Variants in FKBP1B observed in about 807,000 individuals in gnomAD.
The protein encoded by FKBP1B is FKBP prolyl isomerase 1B.
In FKBP1B, 4 loss-of-function variants were observed where a neutral mutation model predicts 13.5. The observed-to-expected ratio is 0.30, with a 90% CI of 0.15 to 0.68. FKBP1B has a LOEUF of 0.68. FKBP1B is among the 30% of genes least tolerant of loss of function. The probability of loss-of-function intolerance (pLI) is 0.76; values close to 1 mark genes in which losing one functional copy is unlikely to be tolerated. For missense variants in FKBP1B, 93 were observed against 136.2 expected, an observed-to-expected ratio of 0.68 and a Z score of 1.58; for synonymous variants, 54 against 53.6, an observed-to-expected ratio of 1.01 and a Z score of -0.03.
At chr2:24,053,319 G>T (rs1663964885) in intron 1 of FKBP1B, among the ~76,000 whole-genome samples, 1 of 147,522 alleles carries the variant, frequency 6.8e-6, no homozygotes, top group Non-Finnish European at 1.5e-5. Context: ...TTTAGAGATG[G>T]GGTCTCCCTA....
chr2:24,049,924 T>A, intron 1 of FKBP1B, 38 bp downstream of exon 1: 1 of 1,356,116 alleles, frequency 7.4e-7, no homozygotes, highest in South Asian at 1.7e-5. Flanking sequence ...AGGGGAGGGG[T>A]CCCGGGGCGG....
At chr2:24,041,066 C>T in the FKBP1B span, among the ~76,000 whole-genome samples, 8 of 150,778 alleles carry the variant, frequency 5.3e-5, no homozygotes, top group African/African-American at 1.5e-4. Context: ...AGGCTGGGCA[C>T]GGTGGCTCAT....
At chr2:24,043,703 T>C in the FKBP1B span, among the ~76,000 whole-genome samples, 4 of 152,204 alleles carry the variant, frequency 2.6e-5, no homozygotes, top group Non-Finnish European at 4.4e-5. Flanking sequence ...TCCCTGTCAC[T>C]GAATCTAAAT....
intron 1 of FKBP1B, among the ~76,000 whole-genome samples, chr2:24,053,329 A>G (rs1027571112): frequency 8.3e-6 from 1 of 120,462 alleles, no homozygotes; most frequent in East Asian, 2.3e-4. Flanking sequence ...GGGTCTCCCT[A>G]TGTTACCCAG....
the FKBP1B span, chr2:24,038,091 G>C: frequency 6.2e-7 from 1 of 1,614,030 alleles, no homozygotes; most frequent in African/African-American, 1.3e-5. Context: ...AAAAATCTGG[G>C]GAAAGACTTT....
At chr2:24,045,655 AAGGGGG>A (rs995243370), upstream of FKBP1B, among the ~76,000 whole-genome samples, 2 of 126,366 alleles carry the variant, frequency 1.6e-5, no homozygotes, top group African/African-American at 2.9e-5. Context: ...GGAAGGAAGG[AAGGGGG>A]AGGGGGAGGG....
chr2:24,037,724 C>A, the FKBP1B span: 1 of 1,614,130 alleles, frequency 6.2e-7, no homozygotes, highest in Non-Finnish European at 8.5e-7. Context: ...AGTGGATACA[C>A]TGAAGAGGAT....
At chr2:24,061,110 A>G (rs940333978) in intron 3 of FKBP1B, among the ~76,000 whole-genome samples, 184 bp downstream of exon 3, 1 of 152,028 alleles carries the variant, frequency 6.6e-6, no homozygotes, top group Non-Finnish European at 1.5e-5. Context: ...CCTTGCCAGC[A>G]TACCTCTTTT....
chr2:24,044,349 A>C, the FKBP1B span, among the ~76,000 whole-genome samples: 1 of 152,088 alleles, frequency 6.6e-6, no homozygotes, highest in African/African-American at 2.4e-5. Flanking sequence ...GGCTCACTGC[A>C]ACCTCTGCTT....
At chr2:24,034,850 C>T in the FKBP1B span, among the ~76,000 whole-genome samples, 1 of 152,096 alleles carries the variant, frequency 6.6e-6, no homozygotes, top group Admixed American at 6.5e-5. Context: ...TCTGGGGTTA[C>T]AGGTTTAAGC....
chr2:24,049,239 G>T (rs1187022658), upstream of FKBP1B, among the ~76,000 whole-genome samples: 2 of 152,136 alleles, frequency 1.3e-5, no homozygotes, highest in African/African-American at 4.8e-5. Flanking sequence ...GGTTGCTCGC[G>T]CCTCTAGTCC....
chr2:24,062,623 C>A (rs1225902696), intron 3 of FKBP1B, among the ~76,000 whole-genome samples: 1 of 152,116 alleles, frequency 6.6e-6, no homozygotes, highest in Admixed American at 6.5e-5. Flanking sequence ...CACAATAGGT[C>A]CCCCTTGCCA....
intron 2 of FKBP1B, among the ~76,000 whole-genome samples, chr2:24,056,621 C>T (rs918186453): frequency 1.3e-5 from 2 of 151,976 alleles, no homozygotes; most frequent in Non-Finnish European, 2.9e-5. Context: ...TTTTCATGTG[C>T]CTACTGGCCA....
chr2:24,037,706 C>G, the FKBP1B span: 1 of 1,613,404 alleles, frequency 6.2e-7, no homozygotes. Context: ...TAAGGAAGAT[C>G]TTGAGAGAGT....
chr2:24,060,745 CAT>C, intron 2 of FKBP1B, 67 bp from the exon 3 acceptor site: 1 of 1,103,448 alleles, frequency 9.1e-7, no homozygotes, highest in Non-Finnish European at 1.4e-6. Context: ...CCATTTTAGA[CAT>C]GTGGAATCTG....
chr2:24,039,438 T>C, the FKBP1B span: 6 of 1,614,254 alleles, frequency 3.7e-6, no homozygotes, highest in Non-Finnish European at 5.1e-6. Flanking sequence ...TCGGATGCAC[T>C]GCTTGATGCA....
chr2:24,061,230 C>T (rs1364428936), intron 3 of FKBP1B, among the ~76,000 whole-genome samples: 1 of 152,068 alleles, frequency 6.6e-6, no homozygotes, highest in Non-Finnish European at 1.5e-5. Context: ...TTTGGGAGGC[C>T]GAATGGGGTG....
chr2:24,044,196 G>A, the FKBP1B span, among the ~76,000 whole-genome samples: 1 of 151,908 alleles, frequency 6.6e-6, no homozygotes, highest in African/African-American at 2.4e-5. Flanking sequence ...GTCAATGAGG[G>A]TGTGTGTGGC....
At chr2:24,062,158 C>T (rs1456805934) in intron 3 of FKBP1B, among the ~76,000 whole-genome samples, 2 of 151,768 alleles carry the variant, frequency 1.3e-5, no homozygotes, top group South Asian at 2.1e-4. Flanking sequence ...CGTGCCCGGC[C>T]TGTTTTTTGT....
Sources: gnomAD v4.1 joint callset for allele counts (sites outside exome capture counted in the v4.1 genomes callset) on GRCh38, gnomAD v4.1.1 for gene constraint, MANE v1.5 for transcripts, NCBI Gene and HGNC (gene_info 2026-07-23, HGNC 2026-07-21) for gene names.